KCNIP4: variants seen among roughly 807,000 people sequenced by gnomAD.
KCNIP4 encodes potassium voltage-gated channel interacting protein 4.
KCNIP4 carries 12 observed loss-of-function variants against 34.0 expected under a neutral mutation model. That is an observed-to-expected ratio of 0.35 (90% CI 0.23 to 0.57). The LOEUF is 0.57. Ranked by LOEUF, KCNIP4 falls within the 20% of genes least tolerant of loss-of-function variation. KCNIP4 has a pLI of 0.83. For missense variants in KCNIP4, 238 were observed against 311.7 expected (o/e 0.76, Z 1.78); for synonymous variants, 124 against 102.2 (o/e 1.21, Z -1.29).
chr4:21,594,644 G>C (rs1742476001), intron 1 of KCNIP4, among the ~76,000 whole-genome samples: 2 of 147,862 alleles, frequency 1.4e-5, no homozygotes, highest in Non-Finnish European at 3.0e-5. Context: ...AATCAGAACA[G>C]AGCAGAATGG....
intron 1 of KCNIP4, among the ~76,000 whole-genome samples, chr4:21,293,616 G>T (rs908481868): frequency 2.6e-5 from 4 of 152,152 alleles, no homozygotes; most frequent in Non-Finnish European, 4.4e-5. Flanking sequence ...TGTCTTATAG[G>T]ATTGGATCTT....
At chr4:21,310,608 A>G (rs1325716960) in intron 1 of KCNIP4, among the ~76,000 whole-genome samples, 1 of 151,902 alleles carries the variant, frequency 6.6e-6, no homozygotes, top group Non-Finnish European at 1.5e-5. Context: ...AAGGCATCAC[A>G]TAATAAATGT....
At chr4:20,767,822 A>G (rs947672471) in intron 3 of KCNIP4, among the ~76,000 whole-genome samples, 3 of 152,172 alleles carry the variant, frequency 2.0e-5, no homozygotes, top group East Asian at 1.9e-4. Context: ...AAGACATTTC[A>G]TAGGAAAAAA....
intron 1 of KCNIP4, among the ~76,000 whole-genome samples, chr4:21,408,149 T>C (rs1420338577): frequency 6.6e-6 from 1 of 152,206 alleles, no homozygotes; most frequent in Non-Finnish European, 1.5e-5. Context: ...ACTTTTTATA[T>C]GTATTTTTAA....
intron 1 of KCNIP4, among the ~76,000 whole-genome samples, chr4:21,681,366 C>T (rs1750333337): frequency 6.6e-6 from 1 of 152,112 alleles, no homozygotes; most frequent in South Asian, 2.1e-4. Context: ...CTTGGCCTCC[C>T]AAAGTGTTGG....
At chr4:21,395,187 T>TGAG (rs1200797240) in intron 1 of KCNIP4, among the ~76,000 whole-genome samples, 1 of 152,096 alleles carries the variant, frequency 6.6e-6, no homozygotes, top group Non-Finnish European at 1.5e-5. Flanking sequence ...CAGAAATTTG[T>TGAG]GAGAAATAAG....
At chr4:21,387,939 A>T (rs566698390) in intron 1 of KCNIP4, among the ~76,000 whole-genome samples, 1 of 152,186 alleles carries the variant, frequency 6.6e-6, no homozygotes, top group Non-Finnish European at 1.5e-5. Flanking sequence ...CTCAGCTTGC[A>T]TAATGGACGT....
At position 21,356,340 on chromosome 4, in the gene KCNIP4, G is replaced by A. The variant is rs1234803729; in HGVS notation, c.62-473631C>T. ...GGCCAGGGCAATCAGGCAAGAGAAA[G>A]AAAGGGTATTCAATTAGGAAAAGAG... On this transcript the variant is annotated intron_variant, in intron 1 of 8. Transcript: ENST00000382152. 2.6e-5 allele frequency among the ~76,000 whole-genome samples: 4 copies of A among 151,444 alleles called. No homozygotes were observed. In the East Asian group the frequency reaches 7.8e-4, roughly 29 times the overall value.
At chr4:21,461,745 A>G (rs944388115) in intron 1 of KCNIP4, among the ~76,000 whole-genome samples, 19 of 151,720 alleles carry the variant, frequency 1.3e-4, no homozygotes, top group African/African-American at 4.6e-4. Context: ...CCTGCCTCAC[A>G]TGCCTGATGC....
intron 1 of KCNIP4, among the ~76,000 whole-genome samples, chr4:21,446,405 A>C (rs1439112764): frequency 5.3e-5 from 8 of 152,066 alleles, no homozygotes; most frequent in Non-Finnish European, 1.2e-4. Flanking sequence ...CTGGATTAAG[A>C]AAATGTGGCA....
chr4:21,414,346 T>C (rs1250764594), intron 1 of KCNIP4, among the ~76,000 whole-genome samples: 1 of 152,174 alleles, frequency 6.6e-6, no homozygotes, highest in African/African-American at 2.4e-5. Flanking sequence ...TCCATAGTCA[T>C]TAATCGTCAG....
intron 1 of KCNIP4, among the ~76,000 whole-genome samples, chr4:21,089,441 A>T (rs1048907296): frequency 6.6e-6 from 1 of 152,210 alleles, no homozygotes; most frequent in Non-Finnish European, 1.5e-5. Flanking sequence ...TTATTTATAA[A>T]TTATCCAGTC....
chr4:21,223,172 G>A (rs556838573), intron 1 of KCNIP4, among the ~76,000 whole-genome samples: 3 of 152,168 alleles, frequency 2.0e-5, no homozygotes, highest in Non-Finnish European at 4.4e-5. Context: ...TGGGAGGCAA[G>A]TGGGGCAGGG....
At chr4:21,827,180 T>C (rs1163357838) in intron 1 of KCNIP4, among the ~76,000 whole-genome samples, 1 of 152,020 alleles carries the variant, frequency 6.6e-6, no homozygotes, top group Admixed American at 6.6e-5. Context: ...TCCATTTGTG[T>C]CTAAATATTT....
chr4:21,271,599 C>T (rs1004874314), intron 1 of KCNIP4, among the ~76,000 whole-genome samples: 1 of 152,050 alleles, frequency 6.6e-6, no homozygotes, highest in Non-Finnish European at 1.5e-5. Flanking sequence ...TGGGGGACTG[C>T]CTGTCACAGG....
chr4:21,111,537 G>C, intron 1 of KCNIP4, among the ~76,000 whole-genome samples: 1 of 152,164 alleles, frequency 6.6e-6, no homozygotes, highest in Middle Eastern at 3.2e-3. Context: ...AACAGAAAAA[G>C]TCTCCTGCCT....
At chr4:21,627,821 G>C (rs933351235) in intron 1 of KCNIP4, among the ~76,000 whole-genome samples, 1 of 152,122 alleles carries the variant, frequency 6.6e-6, no homozygotes, top group Non-Finnish European at 1.5e-5. Flanking sequence ...ATAAGTGTCG[G>C]TCATTAATAA....
chr4:21,856,111 C>T (rs1724737127), intron 1 of KCNIP4, among the ~76,000 whole-genome samples: 1 of 152,136 alleles, frequency 6.6e-6, no homozygotes, highest in African/African-American at 2.4e-5. Context: ...GTCCCCCTCA[C>T]TATTGTTAAC....
At chr4:20,916,688 C>A (rs1189480585) in intron 1 of KCNIP4, among the ~76,000 whole-genome samples, 4 of 151,812 alleles carry the variant, frequency 2.6e-5, no homozygotes, top group Non-Finnish European at 5.9e-5. Flanking sequence ...AAATCTTTTT[C>A]CCTCCCCCGG....
Sources: gnomAD v4.1 joint callset for allele counts (sites outside exome capture counted in the v4.1 genomes callset) on GRCh38, gnomAD v4.1.1 for gene constraint, MANE v1.5 for transcripts, NCBI Gene and HGNC (gene_info 2026-07-23, HGNC 2026-07-21) for gene names.